The following VPS26C variants were observed in gnomAD, a reference collection of about 807,000 sequenced individuals.
The protein encoded by VPS26C is VPS26 endosomal protein sorting factor C.
Under a neutral mutation model 30.6 loss-of-function variants are expected in VPS26C, and 19 were observed. The observed-to-expected ratio is 0.62, with a 90% confidence interval of 0.43 to 0.91. The LOEUF is 0.91. VPS26C is among the 40% of genes least tolerant of loss of function. The pLI is 0.00. For missense variants in VPS26C, 318 were observed against 385.1 expected (o/e 0.83, Z 1.46); for synonymous variants, 132 against 151.5 (o/e 0.87, Z 0.95).
intron 1 of VPS26C, chr21:37,261,634 A>G (rs2086304846): frequency 6.8e-6 from 1 of 147,744 alleles, no homozygotes; most frequent in Non-Finnish European, 1.5e-5. Context: ...TGAAGCACAC[A>G]TTTCTATACA....
intron 1 of VPS26C, 21 bp downstream of exon 1, chr21:37,267,213 ATCCC>A: frequency 2.0e-4 from 83 of 415,694 alleles, no homozygotes; most frequent in Non-Finnish European, 3.6e-4. Context: ...CCCCACCTCC[ATCCC>A]CACCCCCAGC....
chr21:37,231,290 C>T (rs996208591), intron 5 of VPS26C, among the ~76,000 whole-genome samples: 2 of 152,234 alleles, frequency 1.3e-5, no homozygotes, highest in South Asian at 2.1e-4. Flanking sequence ...AAGGCCACTG[C>T]GTCCGTCATG....
At chr21:37,237,956 A>G (rs1406250311) in intron 3 of VPS26C, among the ~76,000 whole-genome samples, 1 of 152,218 alleles carries the variant, frequency 6.6e-6, no homozygotes, top group Non-Finnish European at 1.5e-5. Context: ...CTCCTGAGAC[A>G]ACAACAGCAG....
At chr21:37,266,859 G>A (rs1000884404) in intron 1 of VPS26C, 6 of 337,718 alleles carry the variant, frequency 1.8e-5, no homozygotes, top group Non-Finnish European at 3.3e-5. Context: ...TTAGGAGAGA[G>A]GGAAAGGGGA....
intron 5 of VPS26C, chr21:37,230,767 G>A (rs528451074): frequency 3.3e-5 from 5 of 152,456 alleles, no homozygotes; most frequent in Admixed American, 6.5e-5. Context: ...GGGGAGCGGT[G>A]AGAGCGGGTG....
chr21:37,248,277 T>C (rs1021461854), intron 1 of VPS26C, among the ~76,000 whole-genome samples: 1 of 140,096 alleles, frequency 7.1e-6, no homozygotes, highest in Non-Finnish European at 1.5e-5. Flanking sequence ...GTGTCCATGA[T>C]ATACTTTTAA....
Position 37,267,224 on chromosome 21 carries a change from C to CCCCAAA in VPS26C, c.57+13_57+14insTTTGGG. ...CCAACCCCACCTCCATCCCCACCCC[C>CCCCAAA]AGCCCCCACTTACCCCGGCGTGATA... On this transcript the variant is annotated intron_variant, in intron 1 of 7. Transcript: ENST00000309117. 3 of 1,541,548 alleles carry CCCCAAA rather than the reference C, an allele frequency of 1.9e-6. No homozygotes were observed. Among genetic ancestry groups the CCCCAAA allele is most frequent in the Non-Finnish European group, 2.7e-6 (3 of 1,118,026 alleles).
chr21:37,268,065 CCT>C (rs1054161232), upstream of VPS26C: 2 of 152,294 alleles, frequency 1.3e-5, no homozygotes, highest in Non-Finnish European at 2.9e-5. Context: ...TGACCTCGCT[CCT>C]CTCGGAGCCG....
intron 3 of VPS26C, among the ~76,000 whole-genome samples, chr21:37,234,667 G>A (rs555752484): frequency 6.6e-6 from 1 of 152,090 alleles, no homozygotes; most frequent in African/African-American, 2.4e-5. Context: ...TTCATAACTC[G>A]GACTCTATGC....
chr21:37,266,993 C>A (rs9976050), intron 1 of VPS26C: 2 of 567,786 alleles, frequency 3.5e-6, no homozygotes, highest in East Asian at 6.5e-5. Flanking sequence ...GGCGCCTGCC[C>A]TGCACGTCCC....
chr21:37,251,318 GA>G (rs2086191546), intron 1 of VPS26C, among the ~76,000 whole-genome samples: 1 of 152,292 alleles, frequency 6.6e-6, no homozygotes, highest in African/African-American at 2.4e-5. Flanking sequence ...CCAACAATAG[GA>G]AAATTGTGAG....
chr21:37,238,488 G>T lies in VPS26C; in HGVS notation c.323C>A (p.Thr108Lys). 6.2e-7 allele frequency: 1 copy of T among 1,614,092 alleles called. No individual in the cohort carries two copies. Among genetic ancestry groups the T allele is most frequent in the Non-Finnish European group, 8.5e-7 (1 of 1,180,016 alleles). The change falls in exon 3 of 8, where the codon ACG becomes AAG. Residue 108 changes from threonine (T) to lysine (K), a missense_variant. Coordinates refer to ENST00000309117, the MANE Select transcript of VPS26C (RefSeq NM_006052.2). Reference sequence around the variant, plus strand: ...AATGTTGACAAACACGCCATGATACGTCTCATACAGAACTTTGTTACCCTT... The same window carrying T: ...AATGTTGACAAACACGCCATGATACTTCTCATACAGAACTTTGTTACCCTT... ...HLKGNKVLYE[T>K]YHGVFVNIQY...
intron 3 of VPS26C, among the ~76,000 whole-genome samples, chr21:37,237,988 C>T (rs1235919961): frequency 6.6e-6 from 1 of 152,186 alleles, no homozygotes; most frequent in Non-Finnish European, 1.5e-5. Flanking sequence ...CGTCCCTTAA[C>T]CAGCAGAGGT....
At chr21:37,267,094 A>G (rs2086373138) in intron 1 of VPS26C, 144 bp downstream of exon 1, 5 of 785,248 alleles carry the variant, frequency 6.4e-6, no homozygotes, top group South Asian at 3.0e-5. Context: ...ACCTGGCGGG[A>G]ACGCACCCAC....
At chr21:37,225,789 CTTT>C (rs34066303) in intron 7 of VPS26C, 163 bp from the exon 8 acceptor site, 499,674 of 633,670 alleles carry the variant, frequency 0.79, 199,723 homozygotes, top group East Asian at 1. Context: ...TTCAGCCAAA[CTTT>C]CAGTGGAGAT....
At chr21:37,239,458 CA>C (rs2086060996) in intron 2 of VPS26C, among the ~76,000 whole-genome samples, 1 of 152,118 alleles carries the variant, frequency 6.6e-6, no homozygotes, top group East Asian at 1.9e-4. Context: ...CCCTAAATGA[CA>C]AAAACAACAG....
chr21:37,225,691 A>G, intron 7 of VPS26C, 65 bp from the exon 8 acceptor site: 5 of 1,366,182 alleles, frequency 3.7e-6, no homozygotes, highest in Admixed American at 1.7e-5. Context: ...ACACGCCGCC[A>G]CCACTGCAGT....
intron 1 of VPS26C, among the ~76,000 whole-genome samples, chr21:37,258,955 A>G (rs1363002484): frequency 2.0e-5 from 3 of 152,220 alleles, no homozygotes; most frequent in East Asian, 1.9e-4. Flanking sequence ...TATGCATTAT[A>G]TAAGAGTTTA....
At chr21:37,249,713 G>A (rs547835715) in intron 1 of VPS26C, among the ~76,000 whole-genome samples, 4 of 152,252 alleles carry the variant, frequency 2.6e-5, no homozygotes, top group South Asian at 2.1e-4. Context: ...GGGAGATGGC[G>A]GGAGTGGGAG....
Sources: allele counts gnomAD v4.1 joint callset (sites outside exome capture counted in the v4.1 genomes callset), GRCh38; gene constraint gnomAD v4.1.1; transcripts MANE v1.5; gene names NCBI Gene and HGNC (gene_info 2026-07-23, HGNC 2026-07-21).